The following FGF14 variants were observed in gnomAD, a reference collection of about 807,000 sequenced individuals.
The protein encoded by FGF14 is fibroblast growth factor 14, also known as fibroblast growth factor homologous factor 4.
FGF14 carries 5 observed loss-of-function variants against 25.5 expected under a neutral mutation model. The observed-to-expected ratio is 0.20, with a 90% CI of 0.10 to 0.41. The LOEUF is 0.41. Among genes scored for constraint, FGF14 ranks in the 10% least tolerant of loss-of-function variants. The pLI, the probability that FGF14 is intolerant of heterozygous loss-of-function variation, is 1.00. For missense variants in FGF14, 222 were observed against 320.1 expected, an observed-to-expected ratio of 0.69 and a Z score of 2.34; for synonymous variants, 138 against 118.3, an observed-to-expected ratio of 1.17 and a Z score of -1.08.
chr13:102,388,087 G>C (rs2058347511), intron 1 of FGF14, among the ~76,000 whole-genome samples: 1 of 152,156 alleles, frequency 6.6e-6, no homozygotes, highest in Non-Finnish European at 1.5e-5. Flanking sequence ...CTCTCAAGTA[G>C]TCCCTGGGGT....
intron 1 of FGF14, among the ~76,000 whole-genome samples, chr13:102,161,647 A>C (rs1223469078): frequency 1.0e-3 from 20 of 19,806 alleles, no homozygotes; most frequent in East Asian, 3.4e-3. Context: ...GAAGAAGAAG[A>C]AGAAGAAGAA....
At chr13:101,909,348 A>T (rs1383405717) in intron 1 of FGF14, among the ~76,000 whole-genome samples, 3 of 152,234 alleles carry the variant, frequency 2.0e-5, no homozygotes, top group African/African-American at 7.2e-5. Context: ...CTCATCTGAC[A>T]AAGGGCTAAT....
intron 1 of FGF14, among the ~76,000 whole-genome samples, chr13:102,166,881 T>C (rs1226334687): frequency 6.6e-6 from 1 of 152,186 alleles, no homozygotes; most frequent in Non-Finnish European, 1.5e-5. Context: ...GGTTCAGTAT[T>C]TGCTAATTCA....
chr13:102,091,272 C>A (rs1044470287), intron 1 of FGF14, among the ~76,000 whole-genome samples: 2 of 152,150 alleles, frequency 1.3e-5, no homozygotes, highest in African/African-American at 2.4e-5. Flanking sequence ...CTTTATGCTG[C>A]TGGGGCTGAG....
At chr13:102,117,400 A>T (rs1423835021) in intron 1 of FGF14, among the ~76,000 whole-genome samples, 1 of 152,092 alleles carries the variant, frequency 6.6e-6, no homozygotes, top group East Asian at 1.9e-4. Flanking sequence ...GGTTCTAAGC[A>T]CCTGACTTTT....
At chr13:102,287,640 G>T (rs1594734859) in intron 1 of FGF14, among the ~76,000 whole-genome samples, 1 of 152,162 alleles carries the variant, frequency 6.6e-6, no homozygotes, top group Non-Finnish European at 1.5e-5. Flanking sequence ...ATTTTTAAAT[G>T]TTCTTGTTTT....
intron 3 of FGF14, among the ~76,000 whole-genome samples, chr13:101,760,848 G>C (rs2037979705): frequency 6.6e-6 from 1 of 152,012 alleles, no homozygotes; most frequent in African/African-American, 2.4e-5. Context: ...GTAAGTCCTA[G>C]AGTAGCCTAC....
At chr13:102,129,999 A>T (rs1217535512) in intron 1 of FGF14, among the ~76,000 whole-genome samples, 1 of 152,150 alleles carries the variant, frequency 6.6e-6, no homozygotes, top group African/African-American at 2.4e-5. Flanking sequence ...GCAGCTTAAA[A>T]CTACATAAAT....
chr13:102,233,259 C>G (rs1054985978), intron 1 of FGF14, among the ~76,000 whole-genome samples: 2 of 152,112 alleles, frequency 1.3e-5, no homozygotes, highest in African/African-American at 4.8e-5. Context: ...CTCAGCCTCC[C>G]AAGTAGCTGG....
intron 1 of FGF14, among the ~76,000 whole-genome samples, chr13:102,036,035 A>AGGC (rs1037117747): frequency 7.0e-4 from 107 of 152,258 alleles, no homozygotes; most frequent in African/African-American, 2.5e-3. Flanking sequence ...TAACAGCTAC[A>AGGC]GGCTGTAAGC....
intron 3 of FGF14, among the ~76,000 whole-genome samples, chr13:101,846,388 A>T (rs897478634): frequency 6.6e-6 from 1 of 152,028 alleles, no homozygotes; most frequent in South Asian, 2.1e-4. Flanking sequence ...ATGTCAGCAT[A>T]TTAAGAGCTA....
At chr13:102,388,259 A>G (rs926580355) in intron 1 of FGF14, among the ~76,000 whole-genome samples, 4 of 152,228 alleles carry the variant, frequency 2.6e-5, no homozygotes, top group African/African-American at 9.6e-5. Flanking sequence ...GAAAGCCAGT[A>G]ACGTCATCAG....
At chr13:102,123,131 A>C (rs1403279051) in intron 1 of FGF14, among the ~76,000 whole-genome samples, 2 of 152,072 alleles carry the variant, frequency 1.3e-5, no homozygotes, top group Non-Finnish European at 2.9e-5. Flanking sequence ...TTAAGAAGAC[A>C]CCTCCATGTG....
At chr13:102,132,007 A>C (rs917645679) in intron 1 of FGF14, among the ~76,000 whole-genome samples, 3 of 152,174 alleles carry the variant, frequency 2.0e-5, no homozygotes, top group African/African-American at 7.2e-5. Context: ...TTGGGAAAAT[A>C]AGTTTTTTTT....
chr13:102,299,184 G>A (rs759208718), intron 1 of FGF14, among the ~76,000 whole-genome samples: 6 of 152,116 alleles, frequency 3.9e-5, no homozygotes, highest in Non-Finnish European at 8.8e-5. Flanking sequence ...TACAACAAAT[G>A]AAATTCAACG....
chr13:102,376,220 T>C (rs957071343), intron 1 of FGF14, among the ~76,000 whole-genome samples: 3 of 151,890 alleles, frequency 2.0e-5, no homozygotes, highest in Non-Finnish European at 4.4e-5. Context: ...TGAATAAGTC[T>C]CACGAGATCT....
intron 3 of FGF14, among the ~76,000 whole-genome samples, chr13:101,847,317 T>C (rs2043515095): frequency 6.6e-6 from 1 of 151,982 alleles, no homozygotes; most frequent in Non-Finnish European, 1.5e-5. Context: ...ATCAACACCC[T>C]CCTAGCTATA....
chr13:102,010,747 C>T (rs2040035448), intron 1 of FGF14, among the ~76,000 whole-genome samples: 2 of 152,120 alleles, frequency 1.3e-5, no homozygotes, highest in South Asian at 4.1e-4. Flanking sequence ...TGCTTTCCTG[C>T]CCAGATTACT....
intron 1 of FGF14, among the ~76,000 whole-genome samples, chr13:102,168,272 G>C (rs1001956418): frequency 6.6e-6 from 1 of 152,150 alleles, no homozygotes; most frequent in Non-Finnish European, 1.5e-5. Flanking sequence ...AAAGACGTCA[G>C]ATCCTCAGCG....
Sources: allele counts gnomAD v4.1 joint callset (sites outside exome capture counted in the v4.1 genomes callset), GRCh38; gene constraint gnomAD v4.1.1; transcripts MANE v1.5; gene names NCBI Gene and HGNC (gene_info 2026-07-23, HGNC 2026-07-21).